CIT: variants seen among roughly 807,000 people sequenced by gnomAD.
CIT encodes citron Rho-interacting kinase.
In CIT, 79 loss-of-function variants were observed where a neutral mutation model predicts 272.7. That is an observed-to-expected ratio of 0.29 (90% CI 0.24 to 0.35). The LOEUF is 0.35. Ranked by LOEUF, CIT falls within the 10% of genes least tolerant of loss-of-function variation. CIT has a pLI of 1.00. For missense variants in CIT, 1,909 were observed against 2,618.3 expected (o/e 0.73, Z 5.91); for synonymous variants, 948 against 995.6 (o/e 0.95, Z 0.90).
Position 119,735,178 on chromosome 12 carries a change from C to G in CIT, c.3138G>C (p.Gln1046His). The G allele has an allele frequency of 6.2e-7, 1 of 1,614,040 alleles. No homozygotes were observed. The highest frequency in any genetic ancestry group is 8.5e-7 in the Non-Finnish European group (1 of 1,180,018). ...TCCTTACTTGCTTCTGGCTGGTAAG[C>G]TGCATCTCTCGTTCCGTGATCTCCC... ...LRREITEREM[Q>H]LTSQKQTMEA... Residue 1046 changes from glutamine to histidine, a missense_variant, in exon 25 of 48, where the codon CAG (glutamine) becomes CAC (histidine). Transcript: ENST00000392521.
intron 39 of CIT, among the ~76,000 whole-genome samples, chr12:119,709,846 C>T (rs1289312159): frequency 1.7e-5 from 2 of 120,494 alleles, no homozygotes; most frequent in Non-Finnish European, 3.6e-5. Flanking sequence ...GTTAAGAAGA[C>T]AGAGAAAAAA....
At chr12:119,811,943 AT>A (rs35887106) in intron 9 of CIT, among the ~76,000 whole-genome samples, 10,131 of 129,746 alleles carry the variant, frequency 0.078, 686 homozygotes, top group African/African-American at 0.22. Flanking sequence ...TTCCCCAGGA[AT>A]TTTTTTTTTT....
chr12:119,813,407 T>C (rs376481489), intron 9 of CIT, among the ~76,000 whole-genome samples: 1 of 152,318 alleles, frequency 6.6e-6, no homozygotes, highest in East Asian at 1.9e-4. Context: ...GAGGCTTTCA[T>C]CTCTTTTGAT....
chr12:119,864,737 T>C (rs1030768029), intron 3 of CIT, among the ~76,000 whole-genome samples: 1 of 152,222 alleles, frequency 6.6e-6, no homozygotes, highest in African/African-American at 2.4e-5. Flanking sequence ...CATACACTCA[T>C]TCAACAAGTA....
chr12:119,708,985 A>G (rs1957016619), intron 39 of CIT, among the ~76,000 whole-genome samples: 1 of 152,112 alleles, frequency 6.6e-6, no homozygotes, highest in Admixed American at 6.5e-5. Flanking sequence ...CTATCCAAAT[A>G]TGTGGATGTC....
intron 7 of CIT, among the ~76,000 whole-genome samples, chr12:119,830,225 A>G (rs1968510478): frequency 6.6e-6 from 1 of 151,498 alleles, no homozygotes; most frequent in African/African-American, 2.4e-5. Context: ...AGAAAAAGAG[A>G]GGCAATATTC....
At chr12:119,803,584 C>T (rs1593808541) in intron 9 of CIT, 195 bp from the exon 10 acceptor site, 1 of 435,808 alleles carries the variant, frequency 2.3e-6, no homozygotes, top group East Asian at 3.8e-5. Context: ...TGGCCACCAA[C>T]CCGCAGACAG....
chr12:119,708,472 A>G (rs1465277355), intron 39 of CIT, among the ~76,000 whole-genome samples, 154 bp from the exon 40 acceptor site: 1 of 151,952 alleles, frequency 6.6e-6, no homozygotes, highest in African/African-American at 2.4e-5. Flanking sequence ...TTTTAGGTCC[A>G]TGATTTATTT....
In CIT at chr12:119,718,166, C is replaced by A; in HGVS notation, c.4168+79G>T. The A allele has an allele frequency of 6.8e-7, 1 of 1,476,388 alleles. No homozygotes were observed. Among genetic ancestry groups the A allele is most frequent in the Non-Finnish European group, 9.1e-7 (1 of 1,094,898 alleles). The allele number at this position is 1,476,388 out of a possible 1,614,324, so 91.5% of individuals were successfully genotyped here. On this transcript the variant is annotated intron_variant, in intron 32 of 47. Coordinates refer to ENST00000392521, the MANE Select transcript of CIT (RefSeq NM_001206999.2). The surrounding 1 kb of genome is among the most constrained non-coding windows in gnomAD (Gnocchi z 4.8). ...AGACTGACTTTTTAATCTTTAACCCCTAGTATTACTTGTAATTTTTACCAT... is the reference window on the plus strand; with the variant it reads ...AGACTGACTTTTTAATCTTTAACCCATAGTATTACTTGTAATTTTTACCAT...
At chr12:119,757,228 C>A (rs1593616841) in intron 22 of CIT, 143 bp downstream of exon 22, 1 of 1,057,742 alleles carries the variant, frequency 9.5e-7, no homozygotes, top group Non-Finnish European at 1.4e-6. Flanking sequence ...GCCTCCAGAC[C>A]CTTTTCTCCT....
chr12:119,820,590 A>G (rs978229097), intron 9 of CIT, among the ~76,000 whole-genome samples: 14 of 152,240 alleles, frequency 9.2e-5, no homozygotes, highest in Non-Finnish European at 8.8e-5. Flanking sequence ...AACGTTGGGG[A>G]AAACTGGGTG....
intron 10 of CIT, among the ~76,000 whole-genome samples, chr12:119,795,476 A>G (rs554331976): frequency 1.3e-5 from 2 of 152,208 alleles, no homozygotes; most frequent in Non-Finnish European, 2.9e-5. Context: ...TAACCCAAGC[A>G]TCATGATCAT....
intron 9 of CIT, among the ~76,000 whole-genome samples, chr12:119,815,903 T>C (rs922729758): frequency 3.9e-5 from 6 of 152,042 alleles, no homozygotes; most frequent in African/African-American, 1.5e-4. Context: ...TTCTGTATAA[T>C]GTGAATTTTC....
intron 3 of CIT, among the ~76,000 whole-genome samples, chr12:119,858,140 G>C (rs1475660509): frequency 6.6e-6 from 1 of 152,128 alleles, no homozygotes; most frequent in African/African-American, 2.4e-5. Context: ...CATGCGCTTA[G>C]TTTTATCCCA....
intron 23 of CIT, among the ~76,000 whole-genome samples, chr12:119,747,739 A>G (rs1242633004): frequency 6.6e-6 from 1 of 152,084 alleles, no homozygotes; most frequent in African/African-American, 2.4e-5. Flanking sequence ...ACAAACAAAA[A>G]AATTAAGACA....
intron 5 of CIT, among the ~76,000 whole-genome samples, chr12:119,839,442 G>A (rs763432432): frequency 2.3e-4 from 35 of 152,154 alleles, no homozygotes; most frequent in Admixed American, 1.3e-4. Context: ...TGACGCTGGC[G>A]GCATCGTTAT....
chr12:119,735,396 T>C, intron 24 of CIT, 39 bp from the exon 25 acceptor site: 2 of 1,596,466 alleles, frequency 1.3e-6, no homozygotes, highest in Non-Finnish European at 1.7e-6. Flanking sequence ...GCCAAGCACA[T>C]TCATTTCAAA....
intron 23 of CIT, among the ~76,000 whole-genome samples, chr12:119,751,096 G>C (rs1960206639): frequency 6.6e-6 from 1 of 152,126 alleles, no homozygotes. Flanking sequence ...TATGAGAAAT[G>C]TATGAGCTTG....
intron 26 of CIT, 106 bp from the exon 27 acceptor site, chr12:119,730,736 G>T: frequency 8.1e-6 from 10 of 1,234,494 alleles, no homozygotes; most frequent in Non-Finnish European, 1.1e-5. Flanking sequence ...CAGGCTGCAG[G>T]CCAGAAAGAT....
Sources: allele counts gnomAD v4.1 joint callset (sites outside exome capture counted in the v4.1 genomes callset), GRCh38; gene constraint gnomAD v4.1.1; non-coding constraint Gnocchi (gnomAD v3.1); transcripts MANE v1.5; gene names NCBI Gene and HGNC (gene_info 2026-07-23, HGNC 2026-07-21).